Variants in ARHGAP6 observed in about 807,000 individuals in gnomAD.
ARHGAP6 encodes rho GTPase-activating protein 6.
In ARHGAP6, 16 loss-of-function variants were observed where a neutral mutation model predicts 55.7. The ratio of observed to expected loss-of-function variants is 0.29; its 90% CI spans 0.19 to 0.44. The LOEUF is 0.44. ARHGAP6 is among the 20% of genes least tolerant of loss of function. ARHGAP6 has a pLI of 1.00. For synonymous variants in ARHGAP6, 382 were observed against 360.9 expected (o/e 1.06, Z -0.66); for missense variants, 698 against 808.9 (o/e 0.86, Z 1.66).
At chrX:11,251,620 T>C (rs2047425242) in intron 2 of ARHGAP6, among the ~76,000 whole-genome samples, 1 of 112,339 alleles carries the variant, frequency 8.9e-6, no homozygotes, top group Non-Finnish European at 1.9e-5. Flanking sequence ...CCATTTTCAT[T>C]GTATCATGAT....
At chrX:11,445,542 T>A (rs1188061715) in intron 1 of ARHGAP6, among the ~76,000 whole-genome samples, 1 of 112,090 alleles carries the variant, frequency 8.9e-6, no homozygotes, top group Non-Finnish European at 1.9e-5. Flanking sequence ...AGATCAAATA[T>A]GTCAAGAGAA....
At chrX:11,441,924 A>ATT (rs1159308111) in intron 1 of ARHGAP6, among the ~76,000 whole-genome samples, 2 of 109,648 alleles carry the variant, frequency 1.8e-5, no homozygotes, top group Non-Finnish European at 3.8e-5. Context: ...ATTTCTACAC[A>ATT]TATGTATTTG....
chrX:11,639,359 C>G (rs1046117905), intron 1 of ARHGAP6, among the ~76,000 whole-genome samples: 1 of 110,037 alleles, frequency 9.1e-6, no homozygotes, highest in Non-Finnish European at 1.9e-5. Context: ...CTATCCCTCC[C>G]CCAGCCCCCC....
chrX:11,179,765 CATATATATATATAT>C (rs10576783), intron 6 of ARHGAP6, among the ~76,000 whole-genome samples: 1 of 97,504 alleles, frequency 1.0e-5, no homozygotes, highest in African/African-American at 3.7e-5. Context: ...TATATGTATA[CATATATATATATAT>C]ATATAAGCAT....
At chrX:11,377,750 T>C (rs937099732) in intron 1 of ARHGAP6, among the ~76,000 whole-genome samples, 2 of 111,181 alleles carry the variant, frequency 1.8e-5, no homozygotes, top group African/African-American at 6.5e-5. Context: ...AGGCTGAGGG[T>C]TTACGACAGT....
At chrX:11,505,104 G>C (rs1375824701) in intron 1 of ARHGAP6, among the ~76,000 whole-genome samples, 5 of 110,702 alleles carry the variant, frequency 4.5e-5, no homozygotes, top group African/African-American at 1.6e-4. Context: ...CAGATGACAA[G>C]CCAGTAAATA....
At chrX:11,644,858 TA>T (rs2052511060) in intron 1 of ARHGAP6, among the ~76,000 whole-genome samples, 1 of 111,727 alleles carries the variant, frequency 9.0e-6, no homozygotes, top group Non-Finnish European at 1.9e-5. Flanking sequence ...CTAGAGAAAT[TA>T]AAACTTGTAT....
intron 2 of ARHGAP6, among the ~76,000 whole-genome samples, chrX:11,206,478 A>T (rs1480916993): frequency 2.7e-5 from 3 of 111,988 alleles, no homozygotes; most frequent in Non-Finnish European, 5.6e-5. Context: ...ACTGGGCACG[A>T]GGCTGTAATC....
chrX:11,427,501 G>A, intron 1 of ARHGAP6: 1 of 931,181 alleles, frequency 1.1e-6, no homozygotes. Flanking sequence ...CACCCGGAGC[G>A]GCCCAGTGGC....
chrX:11,163,416 A>T (rs2045976494), intron 9 of ARHGAP6, among the ~76,000 whole-genome samples: 1 of 111,799 alleles, frequency 8.9e-6, no homozygotes, highest in African/African-American at 3.3e-5. Context: ...CTAAGTCACC[A>T]CAATAAACCA....
intron 2 of ARHGAP6, among the ~76,000 whole-genome samples, chrX:11,200,533 G>A (rs112169450): frequency 0.027 from 3,057 of 112,431 alleles, 43 homozygotes; most frequent in South Asian, 0.062. Flanking sequence ...TCTTCAGGAC[G>A]GTCGAAAACA....
chrX:11,610,405 T>G (rs927504329), intron 1 of ARHGAP6, among the ~76,000 whole-genome samples: 2 of 110,815 alleles, frequency 1.8e-5, no homozygotes, highest in African/African-American at 6.6e-5. Context: ...CTTATCCCCA[T>G]TTTTCAGGTG....
chrX:11,422,870 T>C (rs754577789), intron 1 of ARHGAP6, among the ~76,000 whole-genome samples: 2 of 111,764 alleles, frequency 1.8e-5, no homozygotes, highest in South Asian at 7.5e-4. Flanking sequence ...TAATGAGTGG[T>C]TTGAAGGAGG....
At chrX:11,426,739 T>C (rs1226369327) in intron 1 of ARHGAP6, among the ~76,000 whole-genome samples, 1 of 109,815 alleles carries the variant, frequency 9.1e-6, no homozygotes, top group Non-Finnish European at 1.9e-5. Flanking sequence ...TTTCCTTTCT[T>C]TTCTCTCTCT....
In ARHGAP6 at chrX:11,622,455, G is replaced by GA. The variant is rs200040384; in HGVS notation, c.588+41785dup. 2.6e-4 allele frequency among the ~76,000 whole-genome samples: 29 copies of GA among 111,544 alleles called. No individual in the cohort carries two copies. The East Asian group carries it at 7.0e-3, about 27-fold the overall frequency. ...GACCAGAATAAATCAATTATACATG[G>GA]AAAAAAATGTACCAAAGAAACAGAA... On this transcript the variant is annotated intron_variant, in intron 1 of 12. Transcript: ENST00000337414.
intron 1 of ARHGAP6, among the ~76,000 whole-genome samples, chrX:11,458,312 G>T (rs1358048970): frequency 8.9e-6 from 1 of 112,375 alleles, no homozygotes; most frequent in African/African-American, 3.2e-5. Flanking sequence ...ATATGCCTCG[G>T]CCTCTTGCCA....
intron 1 of ARHGAP6, among the ~76,000 whole-genome samples, chrX:11,474,526 G>A (rs750768446): frequency 1.8e-4 from 20 of 112,382 alleles, no homozygotes; most frequent in Non-Finnish European, 7.5e-5. Flanking sequence ...CAGGGGACAA[G>A]AAGCCCTTTT....
chrX:11,286,778 A>G lies in ARHGAP6; in HGVS notation c.589-32071T>C, dbSNP rs183605717. On this transcript the variant is annotated intron_variant, in intron 1 of 12. Transcript: ENST00000337414. ...AATGCCAAGAGTGCTAACACCGACAAACCTTTTTGTAGAGGTTCTCAGAGA... is the reference window on the plus strand; with the variant it reads ...AATGCCAAGAGTGCTAACACCGACAGACCTTTTTGTAGAGGTTCTCAGAGA... Among the ~76,000 whole-genome samples, 5 of 112,176 alleles carry G rather than the reference A, an allele frequency of 4.5e-5. No homozygotes were observed. The Admixed American group carries it at 4.7e-4, about 11-fold the overall frequency.
chrX:11,454,091 C>T (rs180881592), intron 1 of ARHGAP6, among the ~76,000 whole-genome samples: 12 of 107,178 alleles, frequency 1.1e-4, no homozygotes, highest in Non-Finnish European at 2.3e-4. Context: ...CTATAGGCTC[C>T]TGCCACCACG....
Sources: gnomAD v4.1 joint callset for allele counts (sites outside exome capture counted in the v4.1 genomes callset) on GRCh38, gnomAD v4.1.1 for gene constraint, MANE v1.5 for transcripts, NCBI Gene and HGNC (gene_info 2026-07-23, HGNC 2026-07-21) for gene names.